Variants in CACHD1 observed in about 807,000 individuals in gnomAD.
CACHD1 encodes the protein VWFA and cache domain-containing protein 1.
CACHD1 carries 71 observed loss-of-function variants against 138.7 expected under a neutral mutation model. The ratio of observed to expected loss-of-function variants is 0.51; its 90% CI spans 0.42 to 0.62. The LOEUF (loss-of-function observed/expected upper bound fraction) is 0.62, where lower values mean the gene tolerates loss of function less well. Ranked by LOEUF, CACHD1 falls within the 20% of genes least tolerant of loss-of-function variation. The probability of loss-of-function intolerance (pLI) is 0.00; values close to 1 mark genes in which losing one functional copy is unlikely to be tolerated. For missense variants in CACHD1, 1,389 were observed against 1,625.3 expected, an observed-to-expected ratio of 0.85 and a Z score of 2.50; for synonymous variants, 578 against 591.5, an observed-to-expected ratio of 0.98 and a Z score of 0.33.
At position 64,523,667 on chromosome 1, in the gene CACHD1, A is replaced by T. The variant is rs1646514877; in HGVS notation, c.199-26927A>T. Among the ~76,000 whole-genome samples, 3 of 152,198 alleles carry T rather than the reference A, an allele frequency of 2.0e-5. No homozygotes were observed. In the South Asian group the frequency reaches 6.2e-4, roughly 32 times the overall value. On this transcript the variant is annotated intron_variant, in intron 1 of 26. Transcript: ENST00000651257. ...CAGCCATGCCCTTGGTTGCAGGGTT[A>T]TGTGAGTCTTTTTCTGAAGCTTTTT...
intron 1 of CACHD1, among the ~76,000 whole-genome samples, chr1:64,528,060 A>G (rs1227606944): frequency 6.6e-6 from 1 of 152,212 alleles, no homozygotes; most frequent in Non-Finnish European, 1.5e-5. Flanking sequence ...GATTATCTCC[A>G]TTTATAATGT....
intron 2 of CACHD1, among the ~76,000 whole-genome samples, chr1:64,560,854 C>T (rs1307237109): frequency 6.6e-6 from 1 of 151,784 alleles, no homozygotes; most frequent in Non-Finnish European, 1.5e-5. Flanking sequence ...TCATTTTTGC[C>T]TGATATGTCT....
chr1:64,689,043 C>T (rs1226604167), intron 26 of CACHD1, among the ~76,000 whole-genome samples: 4 of 152,132 alleles, frequency 2.6e-5, no homozygotes, highest in Non-Finnish European at 5.9e-5. Flanking sequence ...GCTGAGGCCT[C>T]ACCTTAGCCC....
intron 4 of CACHD1, among the ~76,000 whole-genome samples, chr1:64,603,529 C>T (rs1291162057): frequency 2.6e-5 from 4 of 151,940 alleles, no homozygotes; most frequent in Non-Finnish European, 5.9e-5. Flanking sequence ...TTTTAGAGAC[C>T]CAGTTATCTT....
chr1:64,666,466 GGA>G (rs1649636214), intron 16 of CACHD1, among the ~76,000 whole-genome samples: 2 of 152,098 alleles, frequency 1.3e-5, no homozygotes, highest in African/African-American at 4.8e-5. Context: ...AAAAGATGTT[GGA>G]GTCTAAAGAG....
rs555831938 is a variant in CACHD1, at chr1:64,642,954, G to A, written c.1156+985G>A. Among the ~76,000 whole-genome samples, 3 of 141,228 alleles carry A rather than the reference G, an allele frequency of 2.1e-5. 1 individual carries two copies. Among genetic ancestry groups the A allele is most frequent in the South Asian group, 4.7e-4 (2 of 4,300 alleles). The allele number at this position is 141,228 out of a possible 152,430, so 92.7% of individuals were successfully genotyped here. On this transcript the variant is annotated intron_variant, in intron 8 of 26. Coordinates refer to ENST00000651257, the MANE Select transcript of CACHD1 (RefSeq NM_020925.4). ...CTCGGGAGGTTGAGGCAGGAGAATC[G>A]CTTGAACCCAGGAGGCAGAGGTTGC...
At chr1:64,506,769 A>T (rs1200203128) in intron 1 of CACHD1, among the ~76,000 whole-genome samples, 1 of 152,198 alleles carries the variant, frequency 6.6e-6, no homozygotes. Context: ...TTCAAAGAGT[A>T]CCTAGAAAAT....
intron 1 of CACHD1, among the ~76,000 whole-genome samples, chr1:64,520,748 G>T (rs1216681721): frequency 6.6e-6 from 1 of 152,134 alleles, no homozygotes; most frequent in East Asian, 1.9e-4. Flanking sequence ...CTTGTCACTG[G>T]GTGGGAAAAC....
intron 3 of CACHD1, among the ~76,000 whole-genome samples, chr1:64,585,844 C>G (rs1647047141): frequency 1.3e-5 from 2 of 152,198 alleles, no homozygotes; most frequent in Non-Finnish European, 2.9e-5. Context: ...TGAGCTGATA[C>G]TTTTCTAGAC....
At chr1:64,543,866 C>T (rs1199728065) in intron 1 of CACHD1, among the ~76,000 whole-genome samples, 67 of 77,492 alleles carry the variant, frequency 8.6e-4, no homozygotes, top group Admixed American at 1.6e-3. Flanking sequence ...CTTTTCAGTG[C>T]TTTTTTTTTT....
chr1:64,491,687 GCTCA>G, intron 1 of CACHD1, among the ~76,000 whole-genome samples: 1 of 152,276 alleles, frequency 6.6e-6, no homozygotes, highest in Non-Finnish European at 1.5e-5. Flanking sequence ...GCCCAGCTTG[GCTCA>G]CTGCAGCCTT....
intron 2 of CACHD1, among the ~76,000 whole-genome samples, chr1:64,576,141 C>G (rs756385721): frequency 6.6e-6 from 1 of 152,172 alleles, no homozygotes; most frequent in Non-Finnish European, 1.5e-5. Context: ...CATCCGTATT[C>G]AGGAACCCCT....
chr1:64,590,975 A>C (rs1467184565), intron 3 of CACHD1, among the ~76,000 whole-genome samples: 6 of 152,210 alleles, frequency 3.9e-5, no homozygotes, highest in African/African-American at 1.4e-4. Flanking sequence ...AGACTCTTCC[A>C]ACTTTGAAGA....
chr1:64,546,208 T>G (rs1646717031), intron 1 of CACHD1, among the ~76,000 whole-genome samples: 1 of 152,192 alleles, frequency 6.6e-6, no homozygotes, highest in Non-Finnish European at 1.5e-5. Flanking sequence ...AAGTGACAAC[T>G]TGGAATAGAA....
At chr1:64,508,026 G>A (rs547488131) in intron 1 of CACHD1, among the ~76,000 whole-genome samples, 7 of 152,304 alleles carry the variant, frequency 4.6e-5, no homozygotes, top group African/African-American at 1.7e-4. Context: ...TGGCTGAGGA[G>A]GCCTCAGGAA....
chr1:64,581,722 A>G (rs1331736511), intron 2 of CACHD1, among the ~76,000 whole-genome samples: 1 of 152,104 alleles, frequency 6.6e-6, no homozygotes, highest in African/African-American at 2.4e-5. Flanking sequence ...TCCTTCTGTT[A>G]TTATCCCCCT....
rs563818192 is a variant in CACHD1, at chr1:64,566,257, C to T, written c.261+15601C>T. On this transcript the variant is annotated intron_variant, in intron 2 of 26. Transcript: ENST00000651257. ...TTGTCTGTTCCATGTCTTGATGTGCCCCCAGCACTATTAAAACTTTGTCCA... is the reference window on the plus strand; with the variant it reads ...TTGTCTGTTCCATGTCTTGATGTGCTCCCAGCACTATTAAAACTTTGTCCA... Among the ~76,000 whole-genome samples the T allele has an allele frequency of 5.3e-5, 8 of 152,190 alleles. No homozygotes were observed. In the South Asian group the frequency reaches 1.5e-3, roughly 28 times the overall value.
chr1:64,659,220 C>T (rs896863023), intron 13 of CACHD1, among the ~76,000 whole-genome samples: 1 of 152,136 alleles, frequency 6.6e-6, no homozygotes, highest in African/African-American at 2.4e-5. Flanking sequence ...GTGTAAATTA[C>T]ACCAATAGAG....
At chr1:64,639,489 T>C (rs1648630709) in intron 7 of CACHD1, among the ~76,000 whole-genome samples, 2 of 152,234 alleles carry the variant, frequency 1.3e-5, no homozygotes, top group South Asian at 4.1e-4. Context: ...GAAATTTAAA[T>C]GTGCAGTTAA....
Sources: gnomAD v4.1 joint callset for allele counts (sites outside exome capture counted in the v4.1 genomes callset) on GRCh38, gnomAD v4.1.1 for gene constraint, MANE v1.5 for transcripts, NCBI Gene and HGNC (gene_info 2026-07-23, HGNC 2026-07-21) for gene names.